PARP1: variants seen among roughly 807,000 people sequenced by gnomAD.
PARP1 encodes poly(ADP-ribose) polymerase 1, also known as poly [ADP-ribose] polymerase 1.
Under a neutral mutation model 118.7 loss-of-function variants are expected in PARP1, and 44 were observed. The ratio of observed to expected loss-of-function variants is 0.37; its 90% CI spans 0.29 to 0.48. The LOEUF (loss-of-function observed/expected upper bound fraction) is 0.48, where lower values mean the gene tolerates loss of function less well. Ranked by LOEUF, PARP1 falls within the 20% of genes least tolerant of loss-of-function variation. The pLI, the probability that PARP1 is intolerant of heterozygous loss-of-function variation, is 0.99. For missense variants in PARP1, 1,100 were observed against 1,272.4 expected, an observed-to-expected ratio of 0.86 and a Z score of 2.06; for synonymous variants, 492 against 483.2, an observed-to-expected ratio of 1.02 and a Z score of -0.24.
rs543313912 is a variant in PARP1, at chr1:226,369,552, T to A, written c.2154+882A>T. On this transcript the variant is annotated intron_variant, in intron 15 of 22. Transcript: ENST00000366794. ...ACACAGGTGACCCTTGAACAATCGATTTGAAGTATGCGGGTCCACTTATAC... is the reference window on the plus strand; with the variant it reads ...ACACAGGTGACCCTTGAACAATCGAATTGAAGTATGCGGGTCCACTTATAC... Among the ~76,000 whole-genome samples, 11 of 152,294 alleles carry A rather than the reference T, an allele frequency of 7.2e-5. No homozygotes were observed. In the South Asian group the frequency reaches 1.9e-3, roughly 26 times the overall value.
In PARP1 at chr1:226,370,537, C is replaced by A; in HGVS notation, c.2071-20G>T. The A allele has an allele frequency of 6.2e-7, 1 of 1,601,868 alleles. No individual in the cohort carries two copies. The highest frequency in any genetic ancestry group is 8.6e-7 in the Non-Finnish European group (1 of 1,169,006). ...GTCGATCTGAGGAGACAGGGGATTT[C>A]GCTCTGAAAGCTGGGCACTGTGCAG... On this transcript the variant is annotated intron_variant, in intron 14 of 22. Transcript: ENST00000366794.
intron 4 of PARP1, among the ~76,000 whole-genome samples, chr1:226,389,361 A>G (rs1276698039): frequency 6.6e-6 from 1 of 152,322 alleles, no homozygotes; most frequent in Non-Finnish European, 1.5e-5. Context: ...CCTGCCCCCA[A>G]AATACAGGCG....
intron 15 of PARP1, 69 bp from the exon 16 acceptor site, chr1:226,368,390 C>T: frequency 1.2e-6 from 2 of 1,607,956 alleles, no homozygotes; most frequent in African/African-American, 1.3e-5. Flanking sequence ...CAGGCTTTCT[C>T]TTTTAGCAGG....
chr1:226,390,410 C>G lies in PARP1; in HGVS notation c.617G>C (p.Gly206Ala). The change falls in exon 4 of 23, where the codon GGA becomes GCA. Residue 206 changes from glycine (G) to alanine (A), a missense_variant and splice_region_variant. This residue lies in a region of PARP1 where 948 missense variants were observed against 1,031.8 expected (regional missense o/e 0.92). Transcript: ENST00000366794. ...KKQLPGVKSEGKRKGDEVDGV... is the reference protein window; with the variant it reads ...KKQLPGVKSEAKRKGDEVDGV... ...GGCAACCCCGCAGTGCTCCACCCACCCTTCACTCTTGACTCCTGGGAGCTG... is the reference window on the plus strand; with the variant it reads ...GGCAACCCCGCAGTGCTCCACCCACGCTTCACTCTTGACTCCTGGGAGCTG... 1.2e-6 allele frequency: 2 copies of G among 1,613,350 alleles called. No individual in the cohort carries two copies. The highest frequency in any genetic ancestry group is 8.5e-7 in the Non-Finnish European group (1 of 1,179,948).
In PARP1 at chr1:226,390,644, TG is replaced by T. The variant is rs2102741226; in HGVS notation, c.403-21del. 6.2e-7 allele frequency: 1 copy of T among 1,608,716 alleles called. No homozygotes were observed. Among genetic ancestry groups the T allele is most frequent in the Admixed American group, 1.7e-5 (1 of 59,942 alleles). ...CTGGCCCTGCAGGAAAAACCATATG[TG>T]GTACCAAGGGAGCGACAAGCAAGGA... On this transcript the variant is annotated intron_variant, in intron 3 of 22. Coordinates refer to ENST00000366794, the MANE Select transcript of PARP1 (RefSeq NM_001618.4).
intron 14 of PARP1, among the ~76,000 whole-genome samples, chr1:226,372,431 G>C (rs1664404715): frequency 6.6e-6 from 1 of 152,230 alleles, no homozygotes; most frequent in Admixed American, 6.5e-5. Flanking sequence ...CAGCACTTTG[G>C]GAGGCTGAGG....
chr1:226,385,371 C>A, intron 7 of PARP1, 133 bp downstream of exon 7: 1 of 759,280 alleles, frequency 1.3e-6, no homozygotes, highest in Non-Finnish European at 2.3e-6. Flanking sequence ...TTCTGGTAAA[C>A]AGGATGACGC....
chr1:226,399,307 T>C (rs1253079531), intron 2 of PARP1, among the ~76,000 whole-genome samples: 1 of 151,938 alleles, frequency 6.6e-6, no homozygotes, highest in Non-Finnish European at 1.5e-5. Flanking sequence ...CCTGACCTCG[T>C]AATCTGCTGG....
At chr1:226,367,318 C>A (rs1664290296) in intron 17 of PARP1, 162 bp downstream of exon 17, 1 of 842,174 alleles carries the variant, frequency 1.2e-6, no homozygotes, top group Middle Eastern at 3.4e-4. Context: ...CAAAGGACCA[C>A]CAGCAGCAAT....
intron 12 of PARP1, 85 bp downstream of exon 12, chr1:226,379,057 G>T: frequency 1.9e-6 from 3 of 1,548,802 alleles, no homozygotes; most frequent in South Asian, 2.2e-5. Flanking sequence ...GGCCTAACGG[G>T]TTTCACAAGG....
intron 17 of PARP1, 183 bp from the exon 18 acceptor site, chr1:226,366,235 C>T: frequency 3.3e-6 from 2 of 614,146 alleles, no homozygotes; most frequent in Non-Finnish European, 5.9e-6. Context: ...CTCCACTTAC[C>T]TAAGCCTCCA....
At chr1:226,371,803 T>C (rs1664387335) in intron 14 of PARP1, among the ~76,000 whole-genome samples, 1 of 152,160 alleles carries the variant, frequency 6.6e-6, no homozygotes, top group Non-Finnish European at 1.5e-5. Flanking sequence ...ATAATTCTGG[T>C]GTTTATGTAA....
intron 14 of PARP1, among the ~76,000 whole-genome samples, chr1:226,372,089 CT>C (rs1664394965): frequency 6.6e-6 from 1 of 152,236 alleles, no homozygotes; most frequent in Non-Finnish European, 1.5e-5. Context: ...ACCCTGCCCC[CT>C]GCCATGTGTC....
At chr1:226,407,010 G>A (rs571932183) in intron 1 of PARP1, among the ~76,000 whole-genome samples, 40 of 152,294 alleles carry the variant, frequency 2.6e-4, no homozygotes, top group African/African-American at 8.9e-4. Flanking sequence ...TAATACAAAG[G>A]TAGACATCGG....
At chr1:226,381,007 T>C in intron 9 of PARP1, 61 bp downstream of exon 9, 1 of 1,589,450 alleles carries the variant, frequency 6.3e-7, no homozygotes. Context: ...CACTTACTCG[T>C]CATCACAATC....
chr1:226,404,550 C>T (rs1264851964), intron 1 of PARP1, among the ~76,000 whole-genome samples: 2 of 152,206 alleles, frequency 1.3e-5, no homozygotes, highest in Admixed American at 6.5e-5. Flanking sequence ...CTCCCCCAAC[C>T]ACCGGCACAG....
Position 226,368,202 on chromosome 1 carries a change from C to A in PARP1, c.2274G>T (p.Val758=). The A allele has an allele frequency of 6.2e-7, 1 of 1,614,186 alleles. No individual in the cohort carries two copies. ...KPPLLNNADS[V]QAKVEMLDNL... is the part of the protein sequence containing the mutation. ...CCCTTCTGAACCCTTGCGCTACCTG[C>A]ACACTGTCTGCATTGTTCAGGAGCG... Residue 758 remains valine (V), a synonymous_variant, in exon 16 of 23, where the codon GTG becomes GTT. Coordinates refer to ENST00000366794, the MANE Select transcript of PARP1 (RefSeq NM_001618.4).
At chr1:226,379,519 G>A (rs2102735034) in intron 11 of PARP1, 54 bp downstream of exon 11, 1 of 1,426,034 alleles carries the variant, frequency 7.0e-7, no homozygotes, top group Non-Finnish European at 9.9e-7. Context: ...CTCCTAGTCA[G>A]CTGGGGGTTG....
chr1:226,376,472 C>T (rs755769609), intron 13 of PARP1, among the ~76,000 whole-genome samples: 1 of 152,122 alleles, frequency 6.6e-6, no homozygotes, highest in African/African-American at 2.4e-5. Flanking sequence ...CATGACAGAC[C>T]AGTCACATGA....
Sources: gnomAD v4.1 joint callset for allele counts (sites outside exome capture counted in the v4.1 genomes callset) on GRCh38, gnomAD v4.1.1 for gene constraint, gnomAD v4.1.1 regional missense constraint, MANE v1.5 for transcripts, NCBI Gene and HGNC (gene_info 2026-07-23, HGNC 2026-07-21) for gene names.